The following SPOCK1 variants were observed in gnomAD, a reference collection of about 807,000 sequenced individuals.
SPOCK1 encodes the protein SPARC (osteonectin), cwcv and kazal like domains proteoglycan 1, also known as testican-1.
In SPOCK1, 23 loss-of-function variants were observed where a neutral mutation model predicts 55.3. The observed-to-expected ratio is 0.42, with a 90% confidence interval of 0.30 to 0.59. SPOCK1 has a LOEUF of 0.59. SPOCK1 is among the 20% of genes least tolerant of loss of function. SPOCK1 has a pLI of 0.22. For missense variants in SPOCK1, 499 were observed against 552.5 expected, an observed-to-expected ratio of 0.90 and a Z score of 0.97; for synonymous variants, 226 against 221.0, an observed-to-expected ratio of 1.02 and a Z score of -0.20.
chr5:137,482,052 G>A (rs768210222), intron 2 of SPOCK1, among the ~76,000 whole-genome samples: 2 of 152,154 alleles, frequency 1.3e-5, no homozygotes. Context: ...GACTGGCCAG[G>A]GCAGAGATAG....
At chr5:136,986,856 T>TTTTTCCTGATACTTA (rs1750852291) in intron 8 of SPOCK1, among the ~76,000 whole-genome samples, 1 of 152,186 alleles carries the variant, frequency 6.6e-6, no homozygotes, top group South Asian at 2.1e-4. Context: ...ATTTGATTAA[T>TTTTTCCTGATACTTA]TTTTCCTGAT....
At chr5:137,118,568 TG>T (rs1753632889) in intron 4 of SPOCK1, among the ~76,000 whole-genome samples, 1 of 152,196 alleles carries the variant, frequency 6.6e-6, no homozygotes, top group African/African-American at 2.4e-5. Context: ...CATGGCATAA[TG>T]GGGCCATAGC....
chr5:137,233,206 T>C (rs1756100685), intron 3 of SPOCK1, among the ~76,000 whole-genome samples: 1 of 152,236 alleles, frequency 6.6e-6, no homozygotes. Flanking sequence ...TATTGTGTAC[T>C]TTATTTCTAT....
chr5:136,978,174 A>T lies in SPOCK1; in HGVS notation c.*480T>A, dbSNP rs543722683. 4.5e-5 allele frequency: 17 copies of T among 375,598 alleles called. No individual in the cohort carries two copies. The highest frequency in any genetic ancestry group is 3.5e-4 in the African/African-American group (17 of 48,308). 23.3% of individuals were successfully genotyped at this position (375,598 alleles called of 1,614,324 possible). ...CCGGCAGTAACGGGGGCAGGGGGAAAAAGTACAGTGTGGTGTATTTTTTGT... is the reference window on the plus strand; with the variant it reads ...CCGGCAGTAACGGGGGCAGGGGGAATAAGTACAGTGTGGTGTATTTTTTGT... On this transcript the variant is annotated 3_prime_UTR_variant, in exon 11 of 11. Coordinates refer to ENST00000394945, the MANE Select transcript of SPOCK1 (RefSeq NM_004598.4).
At chr5:137,376,445 T>C (rs1052875103) in intron 2 of SPOCK1, among the ~76,000 whole-genome samples, 8 of 152,224 alleles carry the variant, frequency 5.3e-5, no homozygotes, top group African/African-American at 1.7e-4. Flanking sequence ...AAAGGAGTAA[T>C]GAGAGTCACT....
rs140144149 is a variant in SPOCK1, at chr5:137,033,514, G to A, written c.589+34201C>T. Among the ~76,000 whole-genome samples the A allele has an allele frequency of 1.3e-3, 198 of 152,178 alleles. 1 individual carries two copies. Among genetic ancestry groups the A allele is most frequent in the African/African-American group, 4.3e-3 (177 of 41,532 alleles). On this transcript the variant is annotated intron_variant, in intron 6 of 10. Transcript: ENST00000394945. ...TTCATGCCATCCTTCCCTTGTCCCC[G>A]GGACTCACCTTGCACGCTATCTGAA...
At chr5:137,342,107 A>G (rs1750444312) in intron 2 of SPOCK1, among the ~76,000 whole-genome samples, 1 of 152,188 alleles carries the variant, frequency 6.6e-6, no homozygotes, top group African/African-American at 2.4e-5. Flanking sequence ...CTCAGCAAAG[A>G]GCGTTTTGAT....
intron 3 of SPOCK1, among the ~76,000 whole-genome samples, chr5:137,184,776 C>T (rs1755034871): frequency 6.6e-6 from 1 of 152,148 alleles, no homozygotes; most frequent in South Asian, 2.1e-4. Flanking sequence ...ATCACCCCCT[C>T]CTGTTCCCCA....
At chr5:137,314,236 T>C (rs1054161783) in intron 2 of SPOCK1, among the ~76,000 whole-genome samples, 1 of 152,240 alleles carries the variant, frequency 6.6e-6, no homozygotes, top group African/African-American at 2.4e-5. Context: ...GGCACATCAC[T>C]GCTCATCAGT....
intron 5 of SPOCK1, among the ~76,000 whole-genome samples, chr5:137,106,940 C>T (rs1220162970): frequency 6.6e-6 from 1 of 152,142 alleles, no homozygotes; most frequent in East Asian, 1.9e-4. Context: ...CATGCTTTCT[C>T]TCACCTCTTC....
At chr5:137,052,431 C>T (rs1349724004) in intron 6 of SPOCK1, among the ~76,000 whole-genome samples, 1 of 152,208 alleles carries the variant, frequency 6.6e-6, no homozygotes, top group Non-Finnish European at 1.5e-5. Context: ...GGCATTCCTA[C>T]ACATCACTTG....
intron 3 of SPOCK1, among the ~76,000 whole-genome samples, chr5:137,198,574 A>G (rs952295972): frequency 2.0e-5 from 3 of 152,214 alleles, no homozygotes; most frequent in Non-Finnish European, 4.4e-5. Flanking sequence ...TTTTCATGCT[A>G]ATTGTTTATC....
chr5:137,230,885 A>T (rs955588280), intron 3 of SPOCK1, among the ~76,000 whole-genome samples: 1 of 152,206 alleles, frequency 6.6e-6, no homozygotes, highest in African/African-American at 2.4e-5. Flanking sequence ...CCAGAAAGTG[A>T]CTTCTTACAA....
chr5:137,004,178 C>CT (rs1333318530), intron 6 of SPOCK1, among the ~76,000 whole-genome samples: 1 of 152,100 alleles, frequency 6.6e-6, no homozygotes, highest in Non-Finnish European at 1.5e-5. Context: ...AAAATTCCCA[C>CT]TTGGAATTGA....
chr5:137,443,116 C>T (rs1055424116), intron 2 of SPOCK1, among the ~76,000 whole-genome samples: 1 of 152,052 alleles, frequency 6.6e-6, no homozygotes, highest in Non-Finnish European at 1.5e-5. Context: ...AAAGAAAACA[C>T]AGATCTGCCA....
intron 2 of SPOCK1, among the ~76,000 whole-genome samples, chr5:137,305,484 G>A (rs1429063338): frequency 1.3e-5 from 2 of 152,164 alleles, no homozygotes; most frequent in Non-Finnish European, 2.9e-5. Context: ...ATGGCCTAGA[G>A]ACTCCCTGAG....
chr5:137,084,541 T>G (rs377205563), intron 5 of SPOCK1, among the ~76,000 whole-genome samples: 2 of 151,920 alleles, frequency 1.3e-5, no homozygotes, highest in Admixed American at 1.3e-4. Context: ...GTAGAATCAG[T>G]GTGGCAGGGG....
intron 3 of SPOCK1, among the ~76,000 whole-genome samples, chr5:137,177,306 G>T (rs1161438657): frequency 6.6e-6 from 1 of 152,188 alleles, no homozygotes; most frequent in African/African-American, 2.4e-5. Flanking sequence ...TAGGTGTCCT[G>T]CAGTACAGGT....
intron 6 of SPOCK1, among the ~76,000 whole-genome samples, chr5:137,040,306 G>C (rs908005473): frequency 3.3e-5 from 5 of 152,230 alleles, no homozygotes; most frequent in Non-Finnish European, 7.3e-5. Flanking sequence ...GCATTCTGAT[G>C]AGCACCATCT....
Sources: allele counts gnomAD v4.1 joint callset (sites outside exome capture counted in the v4.1 genomes callset), GRCh38; gene constraint gnomAD v4.1.1; transcripts MANE v1.5; gene names NCBI Gene and HGNC (gene_info 2026-07-23, HGNC 2026-07-21).